The following ZNF385D variants were observed in gnomAD, a reference collection of about 807,000 sequenced individuals.
ZNF385D encodes the protein zinc finger protein 659.
Under a neutral mutation model 35.8 loss-of-function variants are expected in ZNF385D, and 15 were observed. The ratio of observed to expected loss-of-function variants is 0.42; its 90% CI spans 0.28 to 0.64. The LOEUF (loss-of-function observed/expected upper bound fraction) is 0.64. Among genes scored for constraint, ZNF385D ranks in the 30% least tolerant of loss-of-function variants. ZNF385D has a pLI of 0.23. For synonymous variants in ZNF385D, 212 were observed against 186.8 expected (o/e 1.13, Z -1.10); for missense variants, 474 against 494.6 (o/e 0.96, Z 0.39).
At chr3:22,028,679 G>T (rs1697719899) in intron 3 of ZNF385D, among the ~76,000 whole-genome samples, 2 of 152,178 alleles carry the variant, frequency 1.3e-5, no homozygotes, top group Admixed American at 1.3e-4. Context: ...CCTTATCCAT[G>T]ATCATGGTAT....
chr3:22,351,142 T>G (rs1036239586), intron 2 of ZNF385D, among the ~76,000 whole-genome samples: 5 of 152,040 alleles, frequency 3.3e-5, no homozygotes, highest in African/African-American at 1.2e-4. Flanking sequence ...AAAAAAGCAA[T>G]TAGCCTGATA....
At chr3:22,198,556 A>G (rs569950274) in intron 2 of ZNF385D, among the ~76,000 whole-genome samples, 2 of 152,258 alleles carry the variant, frequency 1.3e-5, no homozygotes, top group South Asian at 4.1e-4. Context: ...TTGTAAAGCA[A>G]GAACATTTTG....
At chr3:21,454,741 A>C (rs1230335368) in intron 4 of ZNF385D, among the ~76,000 whole-genome samples, 2 of 152,106 alleles carry the variant, frequency 1.3e-5, no homozygotes, top group South Asian at 2.1e-4. Flanking sequence ...CTGGCCAGGG[A>C]AGTCAGGCAG....
chr3:22,102,908 C>A (rs779186), intron 3 of ZNF385D, among the ~76,000 whole-genome samples: 89,887 of 129,398 alleles, frequency 0.69, 29,547 homozygotes, highest in Non-Finnish European at 0.77. Context: ...AAAAAAAAAA[C>A]CAACAAGTTC....
intron 2 of ZNF385D, among the ~76,000 whole-genome samples, chr3:22,301,337 A>T (rs1332210640): frequency 6.6e-6 from 1 of 152,068 alleles, no homozygotes; most frequent in Non-Finnish European, 1.5e-5. Flanking sequence ...TTTCAGTTAC[A>T]TAAGAACAAT....
intron 2 of ZNF385D, among the ~76,000 whole-genome samples, chr3:21,642,811 T>G (rs998362263): frequency 1.3e-5 from 2 of 152,134 alleles, no homozygotes; most frequent in African/African-American, 4.8e-5. Context: ...TGGGTGAACC[T>G]TGAGGACATT....
chr3:21,776,396 T>C (rs1378409072), intron 3 of ZNF385D, among the ~76,000 whole-genome samples: 1 of 151,986 alleles, frequency 6.6e-6, no homozygotes, highest in Non-Finnish European at 1.5e-5. Context: ...GAGCGCCGTG[T>C]GTGACGGCTC....
At chr3:21,866,365 A>G (rs891901088) in intron 3 of ZNF385D, among the ~76,000 whole-genome samples, 1 of 152,088 alleles carries the variant, frequency 6.6e-6, no homozygotes, top group African/African-American at 2.4e-5. Flanking sequence ...GAGGAAGGAG[A>G]ATCACTTGAA....
At chr3:22,064,316 A>AG (rs1378137932) in intron 3 of ZNF385D, among the ~76,000 whole-genome samples, 1 of 152,214 alleles carries the variant, frequency 6.6e-6, no homozygotes, top group African/African-American at 2.4e-5. Context: ...AAGAGCACAG[A>AG]GGAGCAGAGA....
chr3:22,364,431 G>C (rs1282755415), intron 2 of ZNF385D, among the ~76,000 whole-genome samples: 1 of 152,028 alleles, frequency 6.6e-6, no homozygotes, highest in Non-Finnish European at 1.5e-5. Context: ...GATTAAAAAT[G>C]GGCAAAGGAC....
At chr3:22,165,715 A>T (rs1031066566) in intron 3 of ZNF385D, among the ~76,000 whole-genome samples, 1 of 152,190 alleles carries the variant, frequency 6.6e-6, no homozygotes, top group African/African-American at 2.4e-5. Context: ...AGCAAATATT[A>T]CTGGTCTTTC....
intron 3 of ZNF385D, among the ~76,000 whole-genome samples, chr3:21,811,618 G>T (rs2125709272): frequency 6.6e-6 from 1 of 152,172 alleles, no homozygotes; most frequent in East Asian, 1.9e-4. Flanking sequence ...AACTTGTGAA[G>T]AAATAAAAGC....
At chr3:21,575,302 G>A (rs1328527467) in intron 2 of ZNF385D, among the ~76,000 whole-genome samples, 5 of 152,018 alleles carry the variant, frequency 3.3e-5, no homozygotes, top group African/African-American at 4.8e-5. Context: ...GTTTAATGGA[G>A]GTACACAAAA....
At chr3:21,997,495 T>C (rs1032965669) in intron 3 of ZNF385D, among the ~76,000 whole-genome samples, 3 of 151,260 alleles carry the variant, frequency 2.0e-5, no homozygotes, top group Non-Finnish European at 2.9e-5. Context: ...ACTTAAAGTA[T>C]AATAATAATA....
intron 3 of ZNF385D, among the ~76,000 whole-genome samples, chr3:22,073,572 G>A (rs1700327575): frequency 1.3e-5 from 2 of 151,870 alleles, no homozygotes; most frequent in African/African-American, 4.8e-5. Context: ...AAAAGCAAGG[G>A]TTCTAGCCTC....
At chr3:21,775,592 A>T (rs542154749) in intron 3 of ZNF385D, among the ~76,000 whole-genome samples, 1 of 151,980 alleles carries the variant, frequency 6.6e-6, no homozygotes, top group African/African-American at 2.4e-5. Flanking sequence ...TAATTTCAAA[A>T]TCGAAGTCTT....
rs1385474882 is a variant in ZNF385D, at chr3:21,418,898, A to G, written c.*2316T>C. ...AATGGTTAGAAGCTGGTCACATGGGATACAGACAGAGCCCCAAACAACAGA... is the reference window on the plus strand; with the variant it reads ...AATGGTTAGAAGCTGGTCACATGGGGTACAGACAGAGCCCCAAACAACAGA... On this transcript the variant is annotated 3_prime_UTR_variant, in exon 8 of 8. Coordinates refer to ENST00000281523, the MANE Select transcript of ZNF385D (RefSeq NM_024697.3). The G allele has an allele frequency of 2.0e-5, 3 of 152,134 alleles. No individual in the cohort carries two copies. Among genetic ancestry groups the G allele is most frequent in the South Asian group, 2.1e-4 (1 of 4,834 alleles). The allele number at this position is 152,134 out of a possible 1,614,324, so 9.4% of individuals were successfully genotyped here.
At chr3:22,240,990 C>T (rs1699462887) in intron 2 of ZNF385D, among the ~76,000 whole-genome samples, 1 of 151,068 alleles carries the variant, frequency 6.6e-6, no homozygotes, top group Non-Finnish European at 1.5e-5. Context: ...TGAATGCCTT[C>T]CACAATCCCA....
At chr3:22,184,227 C>T in intron 2 of ZNF385D, among the ~76,000 whole-genome samples, 1 of 152,158 alleles carries the variant, frequency 6.6e-6, no homozygotes, top group East Asian at 1.9e-4. Flanking sequence ...TCTCTATTCC[C>T]TTCCAATGCA....
Sources: gnomAD v4.1 joint callset for allele counts (sites outside exome capture counted in the v4.1 genomes callset) on GRCh38, gnomAD v4.1.1 for gene constraint, MANE v1.5 for transcripts, NCBI Gene and HGNC (gene_info 2026-07-23, HGNC 2026-07-21) for gene names.